CKAP5: variants seen among roughly 807,000 people sequenced by gnomAD.
The protein encoded by CKAP5 is cytoskeleton associated protein 5, also known as cytoskeleton-associated protein 5.
Under a neutral mutation model 232.8 loss-of-function variants are expected in CKAP5, and 27 were observed. That is an observed-to-expected ratio of 0.12 (90% CI 0.09 to 0.16). CKAP5 has a LOEUF of 0.16. Ranked by LOEUF, CKAP5 falls within the 10% of genes least tolerant of loss-of-function variation. The pLI is 1.00. For synonymous variants in CKAP5, 785 were observed against 841.1 expected, an observed-to-expected ratio of 0.93 and a Z score of 1.16; for missense variants, 1,838 against 2,424.7, an observed-to-expected ratio of 0.76 and a Z score of 5.08.
At chr11:46,758,250 T>C (rs1348848103) in intron 35 of CKAP5, among the ~76,000 whole-genome samples, 1 of 152,194 alleles carries the variant, frequency 6.6e-6, no homozygotes, top group African/African-American at 2.4e-5. Context: ...AACTTCACGC[T>C]CATTTCTGCC....
Position 46,809,583 on chromosome 11 carries a change from T to A in CKAP5, c.764-83A>T, listed in dbSNP as rs373896086. ...GTTATCAGTCCTTTCACAACCCTGA[T>A]GAAATTTTAATAGAGAAGGGACCAG... On this transcript the variant is annotated intron_variant, in intron 6 of 43. Coordinates refer to ENST00000529230, the MANE Select transcript of CKAP5 (RefSeq NM_001008938.4). 26 of 1,351,046 alleles carry A rather than the reference T, an allele frequency of 1.9e-5. No homozygotes were observed. The East Asian group carries it at 2.5e-4, about 13-fold the overall frequency. The allele number at this position is 1,351,046 out of a possible 1,614,324, so 83.7% of individuals were successfully genotyped here.
At chr11:46,792,315 G>T (rs1285421289) in intron 13 of CKAP5, among the ~76,000 whole-genome samples, 1 of 152,172 alleles carries the variant, frequency 6.6e-6, no homozygotes, top group East Asian at 1.9e-4. Flanking sequence ...CACTTTGGGA[G>T]TCTGAGGCAG....
At position 46,750,587 on chromosome 11, in the gene CKAP5, C is replaced by G. The variant is rs764830888; in HGVS notation, c.5485G>C (p.Val1829Leu). The change falls in exon 41 of 44, where the codon GTG becomes CTG. Residue 1829 changes from valine to leucine, a missense_variant. Coordinates refer to ENST00000529230, the MANE Select transcript of CKAP5 (RefSeq NM_001008938.4). ...AAAATCTCAGCTAAGAAATCATTCA[C>G]TTTGGCCTTTGATGATTTTTCATCC... ...RIDEKSSKAK[V>L]NDFLAEIFKK... is the part of the protein sequence containing the mutation. 6.2e-7 allele frequency: 1 copy of G among 1,613,502 alleles called. No homozygotes were observed. Among genetic ancestry groups the G allele is most frequent in the Admixed American group, 1.7e-5 (1 of 59,940 alleles).
At position 46,744,498 on chromosome 11, in the gene CKAP5, T is replaced by C. The variant is rs755632853; in HGVS notation, c.5784A>G (p.Glu1928=). The C allele has an allele frequency of 6.2e-7, 1 of 1,614,056 alleles. No individual in the cohort carries two copies. The highest frequency in any genetic ancestry group is 1.3e-5 in the African/African-American group (1 of 74,932). The change falls in exon 43 of 44, where the codon GAA becomes GAG. Residue 1928 remains glutamate (E), a synonymous_variant. Transcript: ENST00000529230. ...CCAAGTAGACAGATGGCCCCACTTC[T>C]TCCCCATTTGTGTTACCTATGGAGG... ...TVSSIGNTNG[E]EVGPSVYLER... is the part of the protein sequence containing the mutation.
intron 24 of CKAP5, among the ~76,000 whole-genome samples, chr11:46,773,459 G>C (rs2065266802): frequency 6.6e-6 from 1 of 151,764 alleles, no homozygotes; most frequent in South Asian, 2.1e-4. Flanking sequence ...ATGTTGGCTA[G>C]GCTGGTCTTG....
intron 16 of CKAP5, among the ~76,000 whole-genome samples, chr11:46,788,392 T>C (rs533986375): frequency 6.8e-4 from 103 of 152,296 alleles, no homozygotes; most frequent in Non-Finnish European, 1.1e-3. Context: ...CTGACCAACA[T>C]AGAGAAACCG....
In CKAP5 at chr11:46,821,108, G is replaced by A. The variant is rs987583119; in HGVS notation, c.57+67C>T. 4 of 1,085,354 alleles carry A rather than the reference G, an allele frequency of 3.7e-6. No homozygotes were observed. In the Admixed American group the frequency reaches 7.3e-5, roughly 20 times the overall value. 67.2% of individuals were successfully genotyped at this position (1,085,354 alleles called of 1,614,324 possible). On this transcript the variant is annotated intron_variant, in intron 2 of 43. Coordinates refer to ENST00000529230, the MANE Select transcript of CKAP5 (RefSeq NM_001008938.4). ...AATGTTTTCACACACTTCTAAGTAA[G>A]ATGATAGTATAACTGCTCACAAAAC... is the stretch of plus-strand genomic sequence containing the variant.
chr11:46,843,561 T>C (rs1940109740), intron 1 of CKAP5, among the ~76,000 whole-genome samples: 1 of 151,612 alleles, frequency 6.6e-6, no homozygotes, highest in Non-Finnish European at 1.5e-5. Context: ...CAAAACCCCA[T>C]CGCTACAAAA....
rs1460729290 is a variant in CKAP5 at position 46,743,615 on chromosome 11, GT to G, written c.*407del. 5.0e-6 allele frequency: 1 copy of G among 198,042 alleles called. No individual in the cohort carries two copies. The highest frequency in any genetic ancestry group is 1.1e-5 in the Non-Finnish European group (1 of 94,546). 12.3% of individuals were successfully genotyped at this position (198,042 alleles called of 1,614,324 possible). On this transcript the variant is annotated 3_prime_UTR_variant, in exon 44 of 44. Transcript: ENST00000529230. ...ATGCCATGCATTCATACAGAATACA[GT>G]GACCCTTCAGGGCGACAGAGAAGAG... is the stretch of plus-strand genomic sequence containing the variant.
chr11:46,784,775 C>G, intron 16 of CKAP5, 102 bp from the exon 17 acceptor site: 1 of 748,380 alleles, frequency 1.3e-6, no homozygotes, highest in South Asian at 2.3e-5. Context: ...TTAGGGACAG[C>G]TGGAAACACA....
intron 1 of CKAP5, among the ~76,000 whole-genome samples, chr11:46,825,460 T>C (rs1246682243): frequency 6.6e-6 from 1 of 152,176 alleles, no homozygotes; most frequent in African/African-American, 2.4e-5. Flanking sequence ...ATTTTGATAG[T>C]CTATAAGAGT....
intron 31 of CKAP5, 136 bp from the exon 32 acceptor site, chr11:46,762,329 C>A (rs1335844207): frequency 2.0e-6 from 2 of 1,000,014 alleles, no homozygotes; most frequent in Non-Finnish European, 3.1e-6. Flanking sequence ...TTTTTGTTTA[C>A]TGCCTTTTAT....
chr11:46,838,177 TAGA>T (rs1939958247), intron 1 of CKAP5, among the ~76,000 whole-genome samples: 1 of 152,100 alleles, frequency 6.6e-6, no homozygotes, highest in South Asian at 2.1e-4. Context: ...CAAATTCCAA[TAGA>T]AGGACATCTT....
At chr11:46,823,451 C>A (rs1565754105) in intron 1 of CKAP5, among the ~76,000 whole-genome samples, 2 of 152,086 alleles carry the variant, frequency 1.3e-5, no homozygotes, top group African/African-American at 2.4e-5. Flanking sequence ...GCATAATCCC[C>A]TTACAACATT....
In CKAP5 at chr11:46,817,239, T is replaced by C. The variant is rs199963501; in HGVS notation, c.252-835A>G. On this transcript the variant is annotated intron_variant, in intron 3 of 43. Coordinates refer to ENST00000529230, the MANE Select transcript of CKAP5 (RefSeq NM_001008938.4). ...AAGCGATCTTCCTGCCTCAGCCTCC[T>C]GAGTAGCTAGGACTACAGGCACATG... Among the ~76,000 whole-genome samples, 5 of 152,128 alleles carry C rather than the reference T, an allele frequency of 3.3e-5. No individual in the cohort carries two copies. The East Asian group carries it at 9.6e-4, about 29-fold the overall frequency.
In CKAP5 at chr11:46,790,136, T is replaced by C; in HGVS notation, c.1815A>G (p.Ile605Met). The change falls in exon 15 of 44, where the codon ATA becomes ATG. Residue 605 changes from isoleucine to methionine, a missense_variant. Physicochemically the swap from Ile to Met is conservative, Grantham distance 10. Around this residue, in one of 6 missense-constraint regions of CKAP5, gnomAD observed 767 missense variants for 954.6 expected, o/e 0.80. Transcript: ENST00000529230. ...TCCAGTTACTGCTGTCAAGAAGCTG[T>C]ATACAGGTAGGGGGAAGAACAGCTG... ...KASAVLPPTCIQLLDSSNWKE... is the reference protein window; with the variant it reads ...KASAVLPPTCMQLLDSSNWKE... 2 of 1,612,046 alleles carry C rather than the reference T, an allele frequency of 1.2e-6. No homozygotes were observed. Among genetic ancestry groups the C allele is most frequent in the Non-Finnish European group, 1.7e-6 (2 of 1,178,466 alleles).
intron 11 of CKAP5, 60 bp from the exon 12 acceptor site, chr11:46,797,000 T>G: frequency 6.3e-7 from 1 of 1,578,350 alleles, no homozygotes. Context: ...ATTACTCATT[T>G]TAATTCAGAC....
Position 46,778,142 on chromosome 11 carries a change from G to T in CKAP5, c.2745C>A (p.Ile915=), listed in dbSNP as rs147523907. 1.0e-4 allele frequency: 162 copies of T among 1,613,368 alleles called. 1 individual carries two copies. The East Asian group carries it at 3.5e-3, about 35-fold the overall frequency. ...LKGRLNDSNK[I]LVQQTLNILQ... ...AACAGCCGTATGCTCTACATACCAA[G>T]ATTTTATTTGAATCATTGAGTCGAC... The change falls in exon 22 of 44, where the codon ATC becomes ATA. Residue 915 remains isoleucine, a synonymous_variant. Transcript: ENST00000529230.
intron 1 of CKAP5, among the ~76,000 whole-genome samples, chr11:46,841,267 CAAA>C (rs763747323): frequency 3.8e-5 from 4 of 105,526 alleles, no homozygotes; most frequent in Admixed American, 1.0e-4. Context: ...AATTCTGTCT[CAAA>C]AAAAAAAAAA....
Sources: gnomAD v4.1 joint callset for allele counts (sites outside exome capture counted in the v4.1 genomes callset) on GRCh38, gnomAD v4.1.1 for gene constraint, gnomAD v4.1.1 regional missense constraint, MANE v1.5 for transcripts, NCBI Gene and HGNC (gene_info 2026-07-23, HGNC 2026-07-21) for gene names.